Variants in NCALD observed in about 807,000 individuals in gnomAD.
NCALD encodes the protein neurocalcin-delta.
NCALD carries 10 observed loss-of-function variants against 18.6 expected under a neutral mutation model. That is an observed-to-expected ratio of 0.54 (90% confidence interval 0.33 to 0.91). The LOEUF (loss-of-function observed/expected upper bound fraction) is 0.91, where lower values mean the gene tolerates loss of function less well. Among genes scored for constraint, NCALD ranks in the 40% least tolerant of loss-of-function variants. The pLI is 0.03. For missense variants in NCALD, 184 were observed against 247.6 expected (o/e 0.74, Z 1.72); for synonymous variants, 88 against 87.4 (o/e 1.01, Z -0.04).
chr8:101,848,472 G>T (rs532417423), intron 4 of NCALD, among the ~76,000 whole-genome samples: 1 of 152,236 alleles, frequency 6.6e-6, no homozygotes, highest in African/African-American at 2.4e-5. Context: ...CCCCTCAGAA[G>T]ATCCATATCC....
At chr8:102,096,521 A>C (rs890956311) in intron 1 of NCALD, among the ~76,000 whole-genome samples, 22 of 152,064 alleles carry the variant, frequency 1.4e-4, no homozygotes, top group Admixed American at 9.8e-4. Flanking sequence ...GCAAACCCCC[A>C]CCTTTTCTGC....
intron 1 of NCALD, among the ~76,000 whole-genome samples, chr8:101,762,595 T>C (rs1207430588): frequency 6.6e-6 from 1 of 151,788 alleles, no homozygotes; most frequent in Non-Finnish European, 1.5e-5. Context: ...AGTCTACTTT[T>C]TTTTTTTTTT....
chr8:101,728,116 A>G (rs1218076947), intron 1 of NCALD, among the ~76,000 whole-genome samples: 1 of 152,240 alleles, frequency 6.6e-6, no homozygotes, highest in Non-Finnish European at 1.5e-5. Context: ...GGAATCTAAA[A>G]TAAGAACTTA....
At chr8:102,089,308 G>A (rs556927031) in intron 1 of NCALD, among the ~76,000 whole-genome samples, 63 of 151,968 alleles carry the variant, frequency 4.1e-4, no homozygotes, top group Admixed American at 3.3e-3. Flanking sequence ...GCAGAAGAAT[G>A]GCATGAACCC....
chr8:102,004,219 T>C (rs1175938838), intron 2 of NCALD, among the ~76,000 whole-genome samples: 1 of 152,072 alleles, frequency 6.6e-6, no homozygotes, highest in East Asian at 1.9e-4. Context: ...ATCACAAGCA[T>C]TCTTATACAC....
chr8:102,088,664 C>G (rs1824821503), intron 1 of NCALD, among the ~76,000 whole-genome samples: 1 of 152,058 alleles, frequency 6.6e-6, no homozygotes, highest in African/African-American at 2.4e-5. Context: ...AAATCTAAGG[C>G]TTTGTTCTGT....
At chr8:102,096,229 C>T (rs955216927) in intron 1 of NCALD, among the ~76,000 whole-genome samples, 3 of 152,196 alleles carry the variant, frequency 2.0e-5, no homozygotes, top group Admixed American at 6.5e-5. Context: ...TGGCTTCTCA[C>T]AACCACAGGG....
intron 3 of NCALD, among the ~76,000 whole-genome samples, chr8:101,908,648 C>A (rs780409418): frequency 9.9e-5 from 15 of 152,284 alleles, no homozygotes; most frequent in Non-Finnish European, 1.6e-4. Context: ...ATATTAAGCA[C>A]TGAGCATGTA....
chr8:101,859,998 G>T (rs1227365771), intron 4 of NCALD, among the ~76,000 whole-genome samples: 1 of 152,178 alleles, frequency 6.6e-6, no homozygotes, highest in Non-Finnish European at 1.5e-5. Flanking sequence ...TACATGATAG[G>T]TTATTATTTT....
intron 1 of NCALD, among the ~76,000 whole-genome samples, chr8:102,022,746 C>G (rs1410904236): frequency 3.3e-5 from 5 of 152,144 alleles, no homozygotes; most frequent in Non-Finnish European, 7.3e-5. Flanking sequence ...CCCACACATC[C>G]AGACCAAAAA....
intron 2 of NCALD, among the ~76,000 whole-genome samples, chr8:101,958,352 T>C (rs564885452): frequency 2.6e-5 from 4 of 152,192 alleles, no homozygotes; most frequent in Non-Finnish European, 5.9e-5. Flanking sequence ...AATCTCATAA[T>C]GCTTGTAGGA....
intron 1 of NCALD, among the ~76,000 whole-genome samples, chr8:101,747,858 C>G (rs576747266): frequency 1.3e-5 from 2 of 152,034 alleles, no homozygotes; most frequent in Admixed American, 1.3e-4. Context: ...GCTGGGATTA[C>G]AGGTGCCCGC....
chr8:101,762,719 GCT>G (rs1811166254), intron 1 of NCALD, among the ~76,000 whole-genome samples: 1 of 151,766 alleles, frequency 6.6e-6, no homozygotes, highest in Non-Finnish European at 1.5e-5. Flanking sequence ...GGTTATAGGC[GCT>G]TGCCACCACG....
At chr8:101,954,643 G>A (rs962489761) in intron 2 of NCALD, among the ~76,000 whole-genome samples, 1 of 152,342 alleles carries the variant, frequency 6.6e-6, no homozygotes, top group South Asian at 2.1e-4. Context: ...GAGGAGAAGA[G>A]AGGATTGAGG....
chr8:101,785,156 T>C (rs562674699), intron 1 of NCALD, among the ~76,000 whole-genome samples: 2 of 152,166 alleles, frequency 1.3e-5, no homozygotes, highest in Non-Finnish European at 2.9e-5. Context: ...TTTATAAAAC[T>C]AGAATGTTGT....
At chr8:101,862,410 G>A (rs1031086805) in intron 4 of NCALD, among the ~76,000 whole-genome samples, 1 of 152,070 alleles carries the variant, frequency 6.6e-6, no homozygotes, top group Non-Finnish European at 1.5e-5. Context: ...CCAAATGAAT[G>A]GTGTTTTAAT....
chr8:101,709,728 G>A (rs1815697658), intron 2 of NCALD, among the ~76,000 whole-genome samples: 1 of 152,216 alleles, frequency 6.6e-6, no homozygotes, highest in African/African-American at 2.4e-5. Context: ...TGTGATGGGT[G>A]TGGGTATTCA....
intron 1 of NCALD, among the ~76,000 whole-genome samples, chr8:101,725,388 C>T (rs1203795214): frequency 6.6e-6 from 1 of 152,216 alleles, no homozygotes; most frequent in Non-Finnish European, 1.5e-5. Context: ...CACCTTCTTC[C>T]TGCACCATCC....
upstream of NCALD, chr8:102,124,816 T>C (rs1048063289): frequency 1.3e-5 from 2 of 152,270 alleles, no homozygotes; most frequent in Non-Finnish European, 2.9e-5. Flanking sequence ...GCTGCTTTTG[T>C]CTAACTAGTG....
Sources: gnomAD v4.1 joint callset for allele counts (sites outside exome capture counted in the v4.1 genomes callset) on GRCh38, gnomAD v4.1.1 for gene constraint, MANE v1.5 for transcripts, NCBI Gene and HGNC (gene_info 2026-07-23, HGNC 2026-07-21) for gene names.